Variants in RAD54B observed in about 807,000 individuals in gnomAD.
RAD54B encodes DNA repair and recombination protein RAD54B.
In RAD54B, 78 loss-of-function variants were observed where a neutral mutation model predicts 95.8. That is an observed-to-expected ratio of 0.81 (90% CI 0.68 to 0.98). The LOEUF (loss-of-function observed/expected upper bound fraction) is 0.98, where lower values mean the gene tolerates loss of function less well. Ranked by LOEUF, RAD54B falls within the 50% of genes least tolerant of loss-of-function variation. The pLI is 0.00. For missense variants in RAD54B, 957 were observed against 1,056.6 expected, an observed-to-expected ratio of 0.91 and a Z score of 1.31; for synonymous variants, 328 against 354.9, an observed-to-expected ratio of 0.92 and a Z score of 0.85.
At chr8:94,432,326 G>A in intron 3 of RAD54B, 1 of 1,550,166 alleles carries the variant, frequency 6.5e-7, no homozygotes, top group Non-Finnish European at 8.7e-7. Context: ...ACATTTGCAG[G>A]ATCTGAGGAT....
At chr8:94,468,231 T>C (rs10110002) in intron 1 of RAD54B, among the ~76,000 whole-genome samples, 1,975 of 152,232 alleles carry the variant, frequency 0.013, 47 homozygotes, top group African/African-American at 0.045. Context: ...TCTTTAAAAA[T>C]AGTTACATGA....
At chr8:94,389,593 T>C (rs1810968205) in intron 10 of RAD54B, among the ~76,000 whole-genome samples, 2 of 152,228 alleles carry the variant, frequency 1.3e-5, no homozygotes, top group African/African-American at 2.4e-5. Context: ...TGAGTTATGA[T>C]ATTGTTACTG....
chr8:94,384,743 C>G (rs933072811), intron 11 of RAD54B, among the ~76,000 whole-genome samples: 3 of 152,012 alleles, frequency 2.0e-5, no homozygotes, highest in Non-Finnish European at 4.4e-5. Flanking sequence ...GAACAAAGAC[C>G]CAGCCTGTGC....
chr8:94,429,385 T>C (rs565763392), intron 3 of RAD54B: 147 of 733,836 alleles, frequency 2.0e-4, no homozygotes, highest in African/African-American at 1.8e-3. Flanking sequence ...AAAAGATGTA[T>C]ACTGCACTTT....
Position 94,399,503 on chromosome 8 carries a change from C to G in RAD54B, c.1289G>C (p.Cys430Ser). The G allele has an allele frequency of 6.2e-7, 1 of 1,613,580 alleles. No individual in the cohort carries two copies. Among genetic ancestry groups the G allele is most frequent in the South Asian group, 1.1e-5 (1 of 91,064 alleles). ...IKNIKFDLLI[C>S]DEGHRLKNSA... is the part of the protein sequence containing the mutation. ...GTTCTTCAAACGATGCCCCTCGTCACAGATTAGAAGATCAAATTTTATATT... is the reference window on the plus strand; with the variant it reads ...GTTCTTCAAACGATGCCCCTCGTCAGAGATTAGAAGATCAAATTTTATATT... The change falls in exon 8 of 15, where the codon TGT becomes TCT. Residue 430 changes from cysteine (C) to serine (S), a missense_variant. Physicochemically the swap from Cys to Ser is moderately radical, Grantham distance 112. Coordinates refer to ENST00000336148, the MANE Select transcript of RAD54B (RefSeq NM_012415.3).
At chr8:94,378,463 G>C in intron 13 of RAD54B, 83 bp from the exon 14 acceptor site, 1 of 1,427,206 alleles carries the variant, frequency 7.0e-7, no homozygotes, top group Non-Finnish European at 9.6e-7. Flanking sequence ...TAACATACTA[G>C]TTAATAAAAT....
chr8:94,391,788 C>T lies in RAD54B; in HGVS notation c.1630G>A (p.Glu544Lys). ...IINKYLPPKIENVVFCRPGAL... is the reference protein window; with the variant it reads ...IINKYLPPKIKNVVFCRPGAL... ...CCTGGTCGGCAAAAGACAACATTCTCTATTTTAGGTGGGAGATATTTATTT... is the reference window on the plus strand; with the variant it reads ...CCTGGTCGGCAAAAGACAACATTCTTTATTTTAGGTGGGAGATATTTATTT... The change falls in exon 10 of 15, where the codon GAG becomes AAG. Residue 544 changes from glutamate (E) to lysine (K), a missense_variant. By Grantham distance (56) the Glu-to-Lys change is moderately conservative. Transcript: ENST00000336148. The T allele has an allele frequency of 6.2e-7, 1 of 1,614,078 alleles. No individual in the cohort carries two copies. Among genetic ancestry groups the T allele is most frequent in the East Asian group, 2.2e-5 (1 of 44,858 alleles).
rs563527529 is a variant in RAD54B at position 94,427,972 on chromosome 8, T to C, written c.305-16657A>G. 50 of 918,196 alleles carry C rather than the reference T, an allele frequency of 5.4e-5. No homozygotes were observed. In the Admixed American group the frequency reaches 2.4e-3, roughly 44 times the overall value. The allele number at this position is 918,196 out of a possible 1,614,324, so 56.9% of individuals were successfully genotyped here. A position where few individuals can be genotyped will look rare whatever the true frequency, so the allele number is the denominator to read the frequency against. Reference sequence around the variant, plus strand: ...ATAACACCAAGTTAATATCTCATCATACACAAAAGAAAAATACTTGACTAT... The same window carrying C: ...ATAACACCAAGTTAATATCTCATCACACACAAAAGAAAAATACTTGACTAT... On this transcript the variant is annotated intron_variant, in intron 3 of 14. Transcript: ENST00000336148.
chr8:94,444,410 TA>T (rs61282884), intron 3 of RAD54B, among the ~76,000 whole-genome samples: 450 of 137,876 alleles, frequency 3.3e-3, no homozygotes, highest in Non-Finnish European at 3.9e-3. Context: ...TTTTAATAGT[TA>T]AAAAAAAAAA....
At chr8:94,429,225 G>T in intron 3 of RAD54B, 1 of 648,620 alleles carries the variant, frequency 1.5e-6, no homozygotes, top group Non-Finnish European at 1.9e-6. Flanking sequence ...TAAAGAAAAA[G>T]CAATCTTAAA....
intron 3 of RAD54B, among the ~76,000 whole-genome samples, chr8:94,440,512 T>G (rs931454631): frequency 1.3e-5 from 2 of 152,228 alleles, no homozygotes; most frequent in African/African-American, 4.8e-5. Context: ...TGCCAGTTTA[T>G]GGAACTGGTA....
intron 6 of RAD54B, among the ~76,000 whole-genome samples, chr8:94,401,253 T>C (rs1018392347): frequency 5.3e-5 from 8 of 151,888 alleles, no homozygotes; most frequent in African/African-American, 1.9e-4. Context: ...TATAAATGAG[T>C]GTGCCTACCT....
At chr8:94,451,934 C>T (rs925612399) in intron 3 of RAD54B, among the ~76,000 whole-genome samples, 5 of 152,100 alleles carry the variant, frequency 3.3e-5, no homozygotes, top group African/African-American at 7.2e-5. Context: ...CCATTCAGGC[C>T]GCTATAACAA....
Position 94,378,325 on chromosome 8 carries a change from C to T in RAD54B, c.2370G>A (p.Gly790=). ...QRQISKQGLC[G]AVVDLTKTSE... is the part of the protein sequence containing the mutation. ...ATGTCTTGGTGAGGTCGACAACTGC[C>T]CCACAAAGACCTTGCTTACTGATCT... Residue 790 remains glycine (G), a synonymous_variant, in exon 14 of 15, where the codon GGG becomes GGA. Transcript: ENST00000336148. The T allele has an allele frequency of 6.2e-7, 1 of 1,613,794 alleles. No homozygotes were observed. The highest frequency in any genetic ancestry group is 8.5e-7 in the Non-Finnish European group (1 of 1,179,918).
intron 8 of RAD54B, among the ~76,000 whole-genome samples, chr8:94,394,491 A>G (rs1347394604): frequency 6.6e-6 from 1 of 152,164 alleles, no homozygotes; most frequent in Non-Finnish European, 1.5e-5. Context: ...GATATGAAGT[A>G]CCCAGCAAAA....
At chr8:94,380,557 T>C in intron 11 of RAD54B, 151 bp from the exon 12 acceptor site, 1 of 862,914 alleles carries the variant, frequency 1.2e-6, no homozygotes, top group Non-Finnish European at 1.7e-6. Context: ...TATTCCTGCA[T>C]ATTCCATTTT....
intron 3 of RAD54B, among the ~76,000 whole-genome samples, chr8:94,454,650 C>G (rs1285738396): frequency 6.6e-6 from 1 of 152,268 alleles, no homozygotes; most frequent in South Asian, 2.1e-4. Context: ...TTCACCATCC[C>G]TATTTGAATA....
intron 11 of RAD54B, among the ~76,000 whole-genome samples, chr8:94,384,119 C>G (rs1810810941): frequency 6.6e-6 from 1 of 151,908 alleles, no homozygotes; most frequent in Non-Finnish European, 1.5e-5. Flanking sequence ...TACCCTAGAA[C>G]TTAGAATATA....
At chr8:94,463,133 G>A (rs779235034) in intron 2 of RAD54B, among the ~76,000 whole-genome samples, 1 of 151,944 alleles carries the variant, frequency 6.6e-6, no homozygotes, top group Non-Finnish European at 1.5e-5. Flanking sequence ...CCAGGATTGT[G>A]CCACTGTACT....
Sources: gnomAD v4.1 joint callset for allele counts (sites outside exome capture counted in the v4.1 genomes callset) on GRCh38, gnomAD v4.1.1 for gene constraint, MANE v1.5 for transcripts, NCBI Gene and HGNC (gene_info 2026-07-23, HGNC 2026-07-21) for gene names.